The following ZNF831 variants were observed in gnomAD, a reference collection of about 807,000 sequenced individuals.
The protein encoded by ZNF831 is zinc finger protein 831.
A neutral mutation model predicts 95.8 loss-of-function variants in ZNF831; 59 were observed. The observed-to-expected ratio is 0.62, with a 90% confidence interval of 0.50 to 0.77. ZNF831 has a LOEUF of 0.77. ZNF831 is among the 30% of genes least tolerant of loss of function. The pLI, the probability that ZNF831 is intolerant of heterozygous loss-of-function variation, is 0.00. For missense variants in ZNF831, 2,205 were observed against 2,164.0 expected, an observed-to-expected ratio of 1.02 and a Z score of -0.38; for synonymous variants, 961 against 925.5, an observed-to-expected ratio of 1.04 and a Z score of -0.70.
intron 4 of ZNF831, among the ~76,000 whole-genome samples, chr20:59,236,206 C>T (rs985362792): frequency 1.7e-4 from 26 of 152,210 alleles, no homozygotes; most frequent in African/African-American, 6.0e-4. Context: ...TTCTCTGCCT[C>T]TGTGCAGCCA....
At chr20:59,205,091 T>C (rs1984796228) in intron 3 of ZNF831, among the ~76,000 whole-genome samples, 1 of 152,110 alleles carries the variant, frequency 6.6e-6, no homozygotes, top group Admixed American at 6.5e-5. Context: ...CGCTTGCTAA[T>C]TTTCTGAAAG....
At chr20:59,130,595 G>A (rs967288796) in intron 1 of ZNF831, among the ~76,000 whole-genome samples, 2 of 152,170 alleles carry the variant, frequency 1.3e-5, no homozygotes, top group East Asian at 1.9e-4. Flanking sequence ...GCTTCTAAAC[G>A]CCAAAGGCAC....
chr20:59,134,222 C>T (rs779956089), intron 1 of ZNF831, among the ~76,000 whole-genome samples: 1 of 152,232 alleles, frequency 6.6e-6, no homozygotes, highest in Non-Finnish European at 1.5e-5. Context: ...GCTCTCCCTC[C>T]CTACCAAAGA....
chr20:59,225,884 C>T (rs895133885), intron 4 of ZNF831, among the ~76,000 whole-genome samples: 1 of 152,214 alleles, frequency 6.6e-6, no homozygotes, highest in African/African-American at 2.4e-5. Flanking sequence ...TTTGTTTGCT[C>T]ATGTGATGAA....
intron 4 of ZNF831, among the ~76,000 whole-genome samples, chr20:59,232,416 C>A (rs1255931167): frequency 1.3e-5 from 2 of 152,008 alleles, no homozygotes; most frequent in African/African-American, 2.4e-5. Flanking sequence ...GAGGAAAGAA[C>A]TGCTGTGAAT....
intron 1 of ZNF831, among the ~76,000 whole-genome samples, chr20:59,125,041 A>C (rs1443292584): frequency 6.6e-6 from 1 of 152,100 alleles, no homozygotes; most frequent in Non-Finnish European, 1.5e-5. Context: ...TTCTGAAAAA[A>C]ATTTCCTTAA....
chr20:59,156,472 G>A (rs1980548386), intron 2 of ZNF831, among the ~76,000 whole-genome samples: 1 of 152,168 alleles, frequency 6.6e-6, no homozygotes, highest in Non-Finnish European at 1.5e-5. Context: ...GTTGCAGTAA[G>A]CCGAGATTGC....
At chr20:59,186,220 A>C (rs1049068497) in intron 1 of ZNF831, among the ~76,000 whole-genome samples, 1 of 152,124 alleles carries the variant, frequency 6.6e-6, no homozygotes, top group African/African-American at 2.4e-5. Flanking sequence ...CCATTTCCTT[A>C]CAAGTGTTTC....
At chr20:59,230,408 G>A (rs1169643441) in intron 4 of ZNF831, among the ~76,000 whole-genome samples, 4 of 152,072 alleles carry the variant, frequency 2.6e-5, no homozygotes, top group African/African-American at 9.7e-5. Context: ...GGAGATGGAG[G>A]TTGCAGTGAG....
At chr20:59,168,063 G>T in intron 1 of ZNF831, among the ~76,000 whole-genome samples, 1 of 152,074 alleles carries the variant, frequency 6.6e-6, no homozygotes, top group Non-Finnish European at 1.5e-5. Context: ...ACTTGTTTGA[G>T]TTATTCCAGT....
At chr20:59,207,972 C>T (rs189739909) in intron 4 of ZNF831, among the ~76,000 whole-genome samples, 9 of 152,344 alleles carry the variant, frequency 5.9e-5, no homozygotes, top group Admixed American at 3.9e-4. Context: ...CTTGAGTGCT[C>T]TCCCCACACC....
intron 3 of ZNF831, among the ~76,000 whole-genome samples, chr20:59,197,808 G>C (rs1343718319): frequency 2.0e-5 from 3 of 152,198 alleles, no homozygotes; most frequent in Non-Finnish European, 2.9e-5. Flanking sequence ...TTCGAGTGCT[G>C]CTCTTGGAGG....
upstream of ZNF831, among the ~76,000 whole-genome samples, chr20:59,161,208 TC>T (rs1980835665): frequency 6.6e-6 from 1 of 152,158 alleles, no homozygotes; most frequent in Non-Finnish European, 1.5e-5. Flanking sequence ...ATCACTGTGA[TC>T]TAATTCCAGA....
At chr20:59,229,595 A>G (rs577322525) in intron 4 of ZNF831, among the ~76,000 whole-genome samples, 1 of 152,348 alleles carries the variant, frequency 6.6e-6, no homozygotes, top group Non-Finnish European at 1.5e-5. Context: ...CACATTTGCT[A>G]GAAACTTTTA....
At chr20:59,230,597 C>T (rs535097831) in intron 4 of ZNF831, among the ~76,000 whole-genome samples, 3 of 152,298 alleles carry the variant, frequency 2.0e-5, no homozygotes, top group African/African-American at 7.2e-5. Flanking sequence ...ACTTTATTTA[C>T]ATAAACAGAA....
intron 1 of ZNF831, among the ~76,000 whole-genome samples, chr20:59,140,989 T>A (rs1979659957): frequency 6.6e-6 from 1 of 152,178 alleles, no homozygotes; most frequent in Non-Finnish European, 1.5e-5. Context: ...AACCTCTTCC[T>A]CCCAGGTTCA....
chr20:59,247,734 C>T (rs1987688273), intron 4 of ZNF831, among the ~76,000 whole-genome samples: 2 of 152,188 alleles, frequency 1.3e-5, no homozygotes, highest in African/African-American at 4.8e-5. Flanking sequence ...CATTTTTAAC[C>T]CTTTTTTTAA....
intron 1 of ZNF831, among the ~76,000 whole-genome samples, chr20:59,145,572 A>T (rs1305388046): frequency 6.6e-6 from 1 of 152,152 alleles, no homozygotes; most frequent in Non-Finnish European, 1.5e-5. Context: ...TGTCACCTAG[A>T]TGTGAAAGGA....
Position 59,153,299 on chromosome 20 carries a change from A to G in ZNF831, c.-1280-6353A>G, listed in dbSNP as rs545717103. Among the ~76,000 whole-genome samples the G allele has an allele frequency of 7.9e-5, 12 of 152,334 alleles. No homozygotes were observed. The South Asian group carries it at 2.3e-3, about 29-fold the overall frequency. On this transcript the variant is annotated intron_variant, in intron 2 of 7. Transcript: ENST00000637017. ...TCCTGTGGAACTGGACCCGGAGAGA[A>G]CAGGAAGGAGTCAACAAGATCTTAA...
Sources: gnomAD v4.1 joint callset for allele counts (sites outside exome capture counted in the v4.1 genomes callset) on GRCh38, gnomAD v4.1.1 for gene constraint, MANE v1.5 for transcripts, NCBI Gene and HGNC (gene_info 2026-07-23, HGNC 2026-07-21) for gene names.